The following CARNMT1 variants were observed in gnomAD, a reference collection of about 807,000 sequenced individuals.
CARNMT1 encodes carnosine N-methyltransferase 1.
A neutral mutation model predicts 49.6 loss-of-function variants in CARNMT1; 28 were observed. That is an observed-to-expected ratio of 0.56 (90% CI 0.42 to 0.77). The LOEUF is 0.77. Ranked by LOEUF, CARNMT1 falls within the 30% of genes least tolerant of loss-of-function variation. CARNMT1 has a pLI of 0.00. For missense variants in CARNMT1, 421 were observed against 512.6 expected (o/e 0.82, Z 1.73); for synonymous variants, 178 against 175.0 (o/e 1.02, Z -0.13).
chr9:75,014,109 A>G (rs1833779123), intron 3 of CARNMT1, among the ~76,000 whole-genome samples: 1 of 152,108 alleles, frequency 6.6e-6, no homozygotes, highest in South Asian at 2.1e-4. Flanking sequence ...GGTATAGAAT[A>G]AAGGGAGGGA....
intron 1 of CARNMT1, among the ~76,000 whole-genome samples, chr9:75,018,211 G>A (rs1833905956): frequency 6.6e-6 from 1 of 152,000 alleles, no homozygotes; most frequent in Admixed American, 6.6e-5. Flanking sequence ...ACAGTCATGT[G>A]CCACCACACT....
At chr9:75,013,444 A>G (rs151321752) in intron 3 of CARNMT1, among the ~76,000 whole-genome samples, 35 of 152,350 alleles carry the variant, frequency 2.3e-4, no homozygotes, top group Non-Finnish European at 4.7e-4. Context: ...ATACATATGC[A>G]TAAAGTTATT....
chr9:75,016,034 AACCTT>A (rs1833837179), intron 3 of CARNMT1: 1 of 376,124 alleles, frequency 2.7e-6, no homozygotes, highest in Non-Finnish European at 4.8e-6. Flanking sequence ...TTTTCGACCT[AACCTT>A]ATTATTTAAT....
At chr9:74,999,371 CTAAACTCTTATT>C (rs1160128389) in intron 4 of CARNMT1, among the ~76,000 whole-genome samples, 3 of 152,144 alleles carry the variant, frequency 2.0e-5, no homozygotes, top group African/African-American at 7.2e-5. Context: ...AATTGCTAAA[CTAAACTCTTATT>C]TAACTAAAGA....
chr9:74,999,602 C>T, intron 4 of CARNMT1, 128 bp downstream of exon 4: 1 of 723,260 alleles, frequency 1.4e-6, no homozygotes, highest in Non-Finnish European at 2.1e-6. Context: ...TAACATAAGA[C>T]ACATTTGTGA....
rs190366881 is a variant in CARNMT1, at chr9:74,982,588, G to T, written c.*1179C>A. 10 of 152,170 alleles carry T rather than the reference G, an allele frequency of 6.6e-5. No individual in the cohort carries two copies. Among genetic ancestry groups the T allele is most frequent in the Non-Finnish European group, 1.0e-4 (7 of 68,002 alleles). 9.4% of individuals were successfully genotyped at this position (152,170 alleles called of 1,614,324 possible). On this transcript the variant is annotated 3_prime_UTR_variant, in exon 8 of 8. Transcript: ENST00000376834. ...TTACAATATTGAAGACACAGACCACGGGCAGTAATATATCCCTGAATTTCA... is the reference window on the plus strand; with the variant it reads ...TTACAATATTGAAGACACAGACCACTGGCAGTAATATATCCCTGAATTTCA...
At chr9:75,003,435 C>A (rs762179229) in intron 3 of CARNMT1, among the ~76,000 whole-genome samples, 1 of 152,270 alleles carries the variant, frequency 6.6e-6, no homozygotes, top group Non-Finnish European at 1.5e-5. Context: ...CAGCCATACT[C>A]ACTCATCTAA....
chr9:74,982,548 C>T lies in CARNMT1; in HGVS notation c.*1219G>A, dbSNP rs1305789949. On this transcript the variant is annotated 3_prime_UTR_variant, in exon 8 of 8. Transcript: ENST00000376834. The stretch of plus-strand genomic sequence containing the variant: ...CAAAATTGGTATTAATCTGAAATTA[C>T]ATGATGGCTGCTGCTTACAATATTG... 3 of 152,190 alleles carry T rather than the reference C, an allele frequency of 2.0e-5. No homozygotes were observed. The highest frequency in any genetic ancestry group is 4.4e-5 in the Non-Finnish European group (3 of 68,034). The allele number at this position is 152,190 out of a possible 1,614,324, so 9.4% of individuals were successfully genotyped here. A position where few individuals can be genotyped will look rare whatever the true frequency, so the allele number is the denominator to read the frequency against.
intron 6 of CARNMT1, among the ~76,000 whole-genome samples, chr9:74,988,966 C>T (rs1832932745): frequency 6.6e-6 from 1 of 152,216 alleles, no homozygotes. Context: ...TATCCCATCT[C>T]ACTGTACTTA....
At chr9:74,983,999 ATAAGAGAGGTACTAT>A (rs1832753137) in intron 7 of CARNMT1, 131 bp from the exon 8 acceptor site, 1 of 483,890 alleles carries the variant, frequency 2.1e-6, no homozygotes, top group East Asian at 3.2e-5. Flanking sequence ...AACTACCCCC[ATAAGAGAGGTACTAT>A]TAATATTAGT....
At chr9:75,018,290 C>T (rs1044516434) in intron 1 of CARNMT1, among the ~76,000 whole-genome samples, 2 of 151,996 alleles carry the variant, frequency 1.3e-5, no homozygotes, top group Non-Finnish European at 2.9e-5. Context: ...TCTCAAACTC[C>T]GGGGCTCAAG....
chr9:75,023,135 CAAAAAAAAAA>C (rs1028060302), intron 1 of CARNMT1, among the ~76,000 whole-genome samples: 3 of 65,396 alleles, frequency 4.6e-5, no homozygotes, highest in Non-Finnish European at 9.4e-5. Flanking sequence ...GAGCAAGACT[CAAAAAAAAAA>C]AAAAAAAAGA....
At chr9:75,027,292 G>A (rs909184025) in intron 1 of CARNMT1, 1 of 613,250 alleles carries the variant, frequency 1.6e-6, no homozygotes, top group African/African-American at 2.0e-5. Context: ...TCCTACCACA[G>A]TGCCTAGCAC....
intron 3 of CARNMT1, chr9:75,010,116 ATTCT>A (rs1416582726): frequency 1.5e-5 from 2 of 135,352 alleles, no homozygotes; most frequent in African/African-American, 2.8e-5. Context: ...AAAGGAAGAA[ATTCT>A]TTTTTTTTTT....
chr9:75,005,827 AACACACACACACACACAC>A lies in CARNMT1; in HGVS notation c.591-5975_591-5958del, dbSNP rs10569961. 1.3e-3 allele frequency among the ~76,000 whole-genome samples: 176 copies of A among 135,806 alleles called. 1 individual carries two copies. Among genetic ancestry groups the A allele is most frequent in the African/African-American group, 2.4e-3 (86 of 36,438 alleles). 89.1% of individuals were successfully genotyped at this position (135,806 alleles called of 152,430 possible). A position where few individuals can be genotyped will look rare whatever the true frequency, so the allele number is the denominator to read the frequency against. On this transcript the variant is annotated intron_variant, in intron 3 of 7. Coordinates refer to ENST00000376834, the MANE Select transcript of CARNMT1 (RefSeq NM_152420.3). ...TAGAAAAGGCCTTCAGTGAAATTAA[AACACACACACACACACAC>A]ACACACACACACACACACACACACA... is the stretch of plus-strand genomic sequence containing the variant.
At chr9:75,027,168 T>C in intron 1 of CARNMT1, 16 of 1,259,792 alleles carry the variant, frequency 1.3e-5, no homozygotes, top group Non-Finnish European at 1.7e-5. Context: ...ATCCAGTTGA[T>C]TTAAGTCCCT....
rs1832694529 is a variant in CARNMT1 at position 74,981,582 on chromosome 9, A to G, written c.*2185T>C. ...GAACATTTAAAAAACAATATTCATG[A>G]TATGAGGGATAAATTAACAAATGAA... On this transcript the variant is annotated 3_prime_UTR_variant, in exon 8 of 8. Transcript: ENST00000376834. The G allele has an allele frequency of 6.6e-6, 1 of 152,160 alleles. No homozygotes were observed. The highest frequency in any genetic ancestry group is 2.4e-5 in the African/African-American group (1 of 41,460). 9.4% of individuals were successfully genotyped at this position (152,160 alleles called of 1,614,324 possible).
intron 5 of CARNMT1, among the ~76,000 whole-genome samples, chr9:74,997,983 C>T (rs1446934035): frequency 1.3e-5 from 2 of 152,054 alleles, no homozygotes; most frequent in Non-Finnish European, 2.9e-5. Context: ...CCTTTTAGTG[C>T]CAATCTCCCT....
At chr9:74,985,229 C>A (rs982473702) in intron 6 of CARNMT1, among the ~76,000 whole-genome samples, 5 of 152,222 alleles carry the variant, frequency 3.3e-5, no homozygotes, top group African/African-American at 1.2e-4. Context: ...ACCTGCCTTG[C>A]ACTGTGATTC....
Sources: allele counts gnomAD v4.1 joint callset (sites outside exome capture counted in the v4.1 genomes callset), GRCh38; gene constraint gnomAD v4.1.1; transcripts MANE v1.5; gene names NCBI Gene and HGNC (gene_info 2026-07-23, HGNC 2026-07-21).